SLC1A3: variants seen among roughly 807,000 people sequenced by gnomAD.
The protein encoded by SLC1A3 is excitatory amino acid transporter 1.
SLC1A3 carries 21 observed loss-of-function variants against 48.1 expected under a neutral mutation model. That is an observed-to-expected ratio of 0.44 (90% confidence interval 0.31 to 0.63). SLC1A3 has a LOEUF of 0.63. Among genes scored for constraint, SLC1A3 ranks in the 20% least tolerant of loss-of-function variants. The pLI is 0.08. For synonymous variants in SLC1A3, 239 were observed against 251.4 expected (o/e 0.95, Z 0.47); for missense variants, 546 against 689.0 (o/e 0.79, Z 2.32).
intron 6 of SLC1A3, 52 bp downstream of exon 6, chr5:36,677,236 C>A: frequency 6.6e-7 from 1 of 1,512,118 alleles, no homozygotes; most frequent in Non-Finnish European, 9.2e-7. Flanking sequence ...TTATTGCCAT[C>A]AACATGTGTT....
chr5:36,654,896 C>G (rs1170731883), intron 3 of SLC1A3, among the ~76,000 whole-genome samples: 1 of 152,182 alleles, frequency 6.6e-6, no homozygotes, highest in Non-Finnish European at 1.5e-5. Flanking sequence ...CAGGGGCCAG[C>G]TGAGTGGTGC....
At chr5:36,670,880 T>G in intron 3 of SLC1A3, 149 bp from the exon 4 acceptor site, 2 of 720,966 alleles carry the variant, frequency 2.8e-6, no homozygotes, top group Non-Finnish European at 4.9e-6. Flanking sequence ...CCTTGTGAGA[T>G]TTGGGGCCAG....
At chr5:36,622,073 G>A (rs534625445) in intron 2 of SLC1A3, among the ~76,000 whole-genome samples, 1 of 152,240 alleles carries the variant, frequency 6.6e-6, no homozygotes, top group African/African-American at 2.4e-5. Flanking sequence ...TTTTCCTTGA[G>A]CCACGAAAAT....
chr5:36,679,600 A>G, intron 6 of SLC1A3, 27 bp from the exon 7 acceptor site: 1 of 1,518,080 alleles, frequency 6.6e-7, no homozygotes, highest in East Asian at 2.3e-5. Context: ...ACCAGACTCC[A>G]ACCGTGCTGG....
intron 3 of SLC1A3, among the ~76,000 whole-genome samples, chr5:36,657,772 G>T (rs1741340575): frequency 1.3e-5 from 2 of 152,230 alleles, no homozygotes; most frequent in Admixed American, 1.3e-4. Flanking sequence ...CTTGGCAGCA[G>T]TTCATGTGAC....
chr5:36,673,307 A>G (rs1347307636), intron 4 of SLC1A3, among the ~76,000 whole-genome samples: 1 of 152,156 alleles, frequency 6.6e-6, no homozygotes, highest in Non-Finnish European at 1.5e-5. Flanking sequence ...CTCTAATGAT[A>G]GTTTAATCCA....
intron 2 of SLC1A3, chr5:36,609,207 T>G (rs776770224): frequency 6.1e-6 from 6 of 978,602 alleles, no homozygotes; most frequent in Non-Finnish European, 7.3e-6. Context: ...TACCTTTTTT[T>G]GAATCATTTC....
At chr5:36,631,539 G>T (rs574960785) in intron 3 of SLC1A3, among the ~76,000 whole-genome samples, 11 of 152,286 alleles carry the variant, frequency 7.2e-5, no homozygotes, top group African/African-American at 2.6e-4. Flanking sequence ...ATTATAAGCT[G>T]CAAACAACTA....
At chr5:36,651,141 TAAAAAAAAAAA>T (rs58660599) in intron 3 of SLC1A3, among the ~76,000 whole-genome samples, 9 of 114,576 alleles carry the variant, frequency 7.9e-5, no homozygotes, top group Middle Eastern at 5.3e-3. Flanking sequence ...AAGTTTTTTT[TAAAAAAAAAAA>T]AAAAAAAAAA....
intron 3 of SLC1A3, among the ~76,000 whole-genome samples, chr5:36,653,853 G>A (rs1561267301): frequency 6.6e-6 from 1 of 152,176 alleles, no homozygotes; most frequent in Non-Finnish European, 1.5e-5. Flanking sequence ...TTGTTTGTTT[G>A]TTTTGTTTTT....
intron 9 of SLC1A3, 134 bp downstream of exon 9, chr5:36,684,132 C>T: frequency 8.7e-7 from 1 of 1,147,522 alleles, no homozygotes; most frequent in Non-Finnish European, 1.3e-6. Context: ...GTTAAATTGT[C>T]CTTATTGTCT....
chr5:36,648,591 C>T (rs970202730), intron 3 of SLC1A3, among the ~76,000 whole-genome samples: 4 of 152,074 alleles, frequency 2.6e-5, no homozygotes, highest in Admixed American at 2.6e-4. Context: ...TGTAGGATAA[C>T]CCCCCTGGCC....
At chr5:36,673,424 T>C (rs1295931681) in intron 4 of SLC1A3, among the ~76,000 whole-genome samples, 1 of 152,152 alleles carries the variant, frequency 6.6e-6, no homozygotes, top group East Asian at 1.9e-4. Flanking sequence ...TGTCCCTCAC[T>C]CTACCCCCTA....
chr5:36,673,392 A>G (rs550942270), intron 4 of SLC1A3, among the ~76,000 whole-genome samples: 2 of 152,290 alleles, frequency 1.3e-5, no homozygotes, highest in Admixed American at 6.5e-5. Context: ...ACAGCTGATG[A>G]CAGACTTCCC....
chr5:36,686,207 T>A lies in SLC1A3; in HGVS notation c.1567T>A (p.Tyr523Asn). The change falls in exon 10 of 10, where the codon TAT becomes AAT. Residue 523 changes from tyrosine to asparagine, a missense_variant. Transcript: ENST00000265113. Reference protein sequence around the residue: ...VIEENEMKKPYQLIAQDNETE... With the variant: ...VIEENEMKKPNQLIAQDNETE... ...TGAAGAGAATGAAATGAAGAAACCATATCAACTGATTGCACAGGACAATGA... is the reference window on the plus strand; with the variant it reads ...TGAAGAGAATGAAATGAAGAAACCAAATCAACTGATTGCACAGGACAATGA... 6.2e-7 allele frequency: 1 copy of A among 1,614,156 alleles called. No individual in the cohort carries two copies. Among genetic ancestry groups the A allele is most frequent in the Non-Finnish European group, 8.5e-7 (1 of 1,179,996 alleles).
chr5:36,652,914 T>C (rs187986497), intron 3 of SLC1A3, among the ~76,000 whole-genome samples: 2 of 152,358 alleles, frequency 1.3e-5, no homozygotes, highest in East Asian at 3.9e-4. Context: ...GAGGGTACAA[T>C]ACTGAACATT....
At chr5:36,640,846 C>A (rs565725307) in intron 3 of SLC1A3, among the ~76,000 whole-genome samples, 1 of 152,190 alleles carries the variant, frequency 6.6e-6, no homozygotes, top group South Asian at 2.1e-4. Flanking sequence ...ACACTGCCAC[C>A]CCCACCTACA....
In SLC1A3 at chr5:36,629,427, CTTTTTTTT is replaced by C. The variant is rs78316512; in HGVS notation, c.182-15_182-8del. 4 of 1,456,942 alleles carry C rather than the reference CTTTTTTTT, an allele frequency of 2.7e-6. No homozygotes were observed. Among genetic ancestry groups the C allele is most frequent in the Non-Finnish European group, 3.8e-6 (4 of 1,057,394 alleles). The allele number at this position is 1,456,942 out of a possible 1,614,324, so 90.3% of individuals were successfully genotyped here. A position where few individuals can be genotyped will look rare whatever the true frequency, so the allele number is the denominator to read the frequency against. Reference sequence around the variant, plus strand: ...CAAAAAAGACTCAATTTTTCTTTTTCTTTTTTTTTTTTTTTCCTTCAGGTACAATCCTT... The same window carrying C: ...CAAAAAAGACTCAATTTTTCTTTTTCTTTTTTTCCTTCAGGTACAATCCTT... On this transcript the variant is annotated splice_polypyrimidine_tract_variant and intron_variant, in intron 2 of 9. Transcript: ENST00000265113.
intron 3 of SLC1A3, among the ~76,000 whole-genome samples, chr5:36,639,470 A>C (rs189346373): frequency 6.6e-6 from 1 of 152,258 alleles, no homozygotes; most frequent in African/African-American, 2.4e-5. Context: ...GATATGTCTT[A>C]TCACTGAATG....
Sources: gnomAD v4.1 joint callset for allele counts (sites outside exome capture counted in the v4.1 genomes callset) on GRCh38, gnomAD v4.1.1 for gene constraint, MANE v1.5 for transcripts, NCBI Gene and HGNC (gene_info 2026-07-23, HGNC 2026-07-21) for gene names.